The following ARHGAP15 variants were observed in gnomAD, a reference collection of about 807,000 sequenced individuals.
ARHGAP15 encodes the protein Rho GTPase activating protein 15, also known as rho GTPase-activating protein 15.
Under a neutral mutation model 63.7 loss-of-function variants are expected in ARHGAP15, and 51 were observed. The observed-to-expected ratio is 0.80, with a 90% CI of 0.64 to 1.01. The LOEUF (loss-of-function observed/expected upper bound fraction) is 1.01, where lower values mean the gene tolerates loss of function less well. Ranked by LOEUF, ARHGAP15 falls within the 50% of genes least tolerant of loss-of-function variation. The pLI is 0.00. For synonymous variants in ARHGAP15, 191 were observed against 193.8 expected, an observed-to-expected ratio of 0.99 and a Z score of 0.12; for missense variants, 560 against 564.6, an observed-to-expected ratio of 0.99 and a Z score of 0.08.
chr2:143,495,946 T>A (rs540054491), intron 9 of ARHGAP15, among the ~76,000 whole-genome samples: 2 of 152,340 alleles, frequency 1.3e-5, no homozygotes, highest in South Asian at 4.1e-4. Context: ...CTCTGACAAC[T>A]TCCACGATAT....
rs531900305 is a variant in ARHGAP15, at chr2:143,351,142, A to G, written c.475-84459A>G. ...CGTATGCACAAAGTATGCTTCTGACAATAACTGCAAAAAGTTACGTGCATT... is the reference window on the plus strand; with the variant it reads ...CGTATGCACAAAGTATGCTTCTGACGATAACTGCAAAAAGTTACGTGCATT... On this transcript the variant is annotated intron_variant, in intron 6 of 13. Transcript: ENST00000295095. 27 of 152,320 alleles carry G rather than the reference A, an allele frequency of 1.8e-4. No individual in the cohort carries two copies. The South Asian group carries it at 5.4e-3, about 30-fold the overall frequency. The allele number at this position is 152,320 out of a possible 1,614,324, so 9.4% of individuals were successfully genotyped here.
At chr2:143,764,433 C>T in intron 13 of ARHGAP15, among the ~76,000 whole-genome samples, 1 of 152,116 alleles carries the variant, frequency 6.6e-6, no homozygotes, top group East Asian at 1.9e-4. Context: ...TTCAAACTTC[C>T]TTGGTTCACT....
At chr2:143,575,952 G>A (rs893720871) in intron 11 of ARHGAP15, among the ~76,000 whole-genome samples, 1 of 152,074 alleles carries the variant, frequency 6.6e-6, no homozygotes, top group East Asian at 1.9e-4. Flanking sequence ...ACTCAATTTA[G>A]CCTTCTCTAG....
intron 11 of ARHGAP15, among the ~76,000 whole-genome samples, chr2:143,568,184 C>T (rs944848751): frequency 6.6e-6 from 1 of 152,088 alleles, no homozygotes; most frequent in African/African-American, 2.4e-5. Context: ...TCTAATTAAA[C>T]TAAAGAGCTT....
At chr2:143,243,071 G>C (rs886357297) in intron 5 of ARHGAP15, among the ~76,000 whole-genome samples, 9 of 152,130 alleles carry the variant, frequency 5.9e-5, no homozygotes, top group African/African-American at 2.2e-4. Flanking sequence ...AAGAGGCTGT[G>C]CGGCCAAATG....
intron 13 of ARHGAP15, among the ~76,000 whole-genome samples, chr2:143,725,010 C>T (rs1476161127): frequency 6.6e-6 from 1 of 152,188 alleles, no homozygotes; most frequent in Non-Finnish European, 1.5e-5. Context: ...CTCAGGAGAG[C>T]TTCAAGATTC....
At chr2:143,730,441 A>G (rs1200531388) in intron 13 of ARHGAP15, among the ~76,000 whole-genome samples, 1 of 152,224 alleles carries the variant, frequency 6.6e-6, no homozygotes, top group Non-Finnish European at 1.5e-5. Context: ...AAGACTGTAT[A>G]CTATTCCGTA....
At chr2:143,473,961 C>T (rs999307043) in intron 8 of ARHGAP15, among the ~76,000 whole-genome samples, 47 of 152,044 alleles carry the variant, frequency 3.1e-4, no homozygotes, top group Admixed American at 6.5e-5. Context: ...TGAAGAAGAC[C>T]GAAATCTCAG....
At chr2:143,377,934 A>G (rs922651479) in intron 6 of ARHGAP15, among the ~76,000 whole-genome samples, 4 of 152,030 alleles carry the variant, frequency 2.6e-5, no homozygotes, top group African/African-American at 4.8e-5. Flanking sequence ...CAACAAATAT[A>G]CCAAAATATA....
intron 6 of ARHGAP15, among the ~76,000 whole-genome samples, chr2:143,345,747 G>A (rs1685243795): frequency 6.6e-6 from 1 of 152,144 alleles, no homozygotes; most frequent in African/African-American, 2.4e-5. Context: ...ATGAATTTGT[G>A]TTTGCAAGGT....
chr2:143,256,028 G>A (rs1680408650), intron 6 of ARHGAP15, among the ~76,000 whole-genome samples: 1 of 152,070 alleles, frequency 6.6e-6, no homozygotes, highest in African/African-American at 2.4e-5. Context: ...TATGTCAGTT[G>A]TAACTTTATG....
chr2:143,416,475 G>A (rs772996322), intron 6 of ARHGAP15, among the ~76,000 whole-genome samples: 4 of 140,316 alleles, frequency 2.9e-5, no homozygotes, highest in Non-Finnish European at 6.4e-5. Context: ...GGTTTCACTC[G>A]ATTGCAGTTG....
intron 9 of ARHGAP15, among the ~76,000 whole-genome samples, chr2:143,489,671 G>C: frequency 6.6e-6 from 1 of 152,070 alleles, no homozygotes. Context: ...AATAAAATCA[G>C]TATTTTTAAT....
intron 11 of ARHGAP15, chr2:143,607,381 C>G (rs1411230117): frequency 6.6e-6 from 1 of 152,118 alleles, no homozygotes; most frequent in Non-Finnish European, 1.5e-5. Context: ...TAATTTAGAA[C>G]TTAGAGATGT....
At chr2:143,630,277 T>G (rs984848614) in intron 12 of ARHGAP15, among the ~76,000 whole-genome samples, 1 of 152,164 alleles carries the variant, frequency 6.6e-6, no homozygotes, top group African/African-American at 2.4e-5. Context: ...CTGATTTCTA[T>G]GATCAATTGC....
At chr2:143,216,498 C>A in intron 4 of ARHGAP15, 53 bp downstream of exon 4, 1 of 1,339,098 alleles carries the variant, frequency 7.5e-7, no homozygotes, top group Admixed American at 1.8e-5. Flanking sequence ...TCTTCATATG[C>A]TAAACTTGTG....
At position 143,262,756 on chromosome 2, in the gene ARHGAP15, C is replaced by G. The variant is rs186037361; in HGVS notation, c.474+12156C>G. ...ATATAGTAGCTATTTTAGTTGCCCT[C>G]TTGTACACATCATGAGTATCCATAG... is the stretch of plus-strand genomic sequence containing the variant. On this transcript the variant is annotated intron_variant, in intron 6 of 13. Transcript: ENST00000295095. Among the ~76,000 whole-genome samples the G allele has an allele frequency of 2.6e-3, 396 of 152,100 alleles. 1 individual carries two copies. The highest frequency in any genetic ancestry group is 4.3e-3 in the Non-Finnish European group (292 of 67,994).
chr2:143,236,557 C>G (rs1693657825), intron 5 of ARHGAP15: 1 of 152,010 alleles, frequency 6.6e-6, no homozygotes, highest in Non-Finnish European at 1.5e-5. Flanking sequence ...GGTAGTTGTC[C>G]TAAAATGGCA....
intron 2 of ARHGAP15, among the ~76,000 whole-genome samples, chr2:143,158,218 C>T (rs1247040474): frequency 6.6e-6 from 1 of 151,760 alleles, no homozygotes; most frequent in Non-Finnish European, 1.5e-5. Context: ...TCATAAATTC[C>T]TCTCGTAAAT....
Sources: allele counts gnomAD v4.1 joint callset (sites outside exome capture counted in the v4.1 genomes callset), GRCh38; gene constraint gnomAD v4.1.1; transcripts MANE v1.5; gene names NCBI Gene and HGNC (gene_info 2026-07-23, HGNC 2026-07-21).